The following DTWD2 variants were observed in gnomAD, a reference collection of about 807,000 sequenced individuals.
DTWD2 encodes DTW motif tRNA-uridine aminocarboxypropyltransferase 2.
A neutral mutation model predicts 31.8 loss-of-function variants in DTWD2; 39 were observed. The ratio of observed to expected loss-of-function variants is 1.22; its 90% CI spans 0.95 to 1.60. The LOEUF is 1.60. DTWD2 is among the 40% of genes most tolerant of loss of function. The pLI, the probability that DTWD2 is intolerant of heterozygous loss-of-function variation, is 0.00. For missense variants in DTWD2, 515 were observed against 381.5 expected, an observed-to-expected ratio of 1.35 and a Z score of -2.92; for synonymous variants, 180 against 142.8, an observed-to-expected ratio of 1.26 and a Z score of -1.86.
intron 4 of DTWD2, among the ~76,000 whole-genome samples, chr5:118,876,058 A>G (rs533175642): frequency 1.2e-3 from 190 of 152,352 alleles, no homozygotes; most frequent in African/African-American, 4.4e-3. Context: ...AATTCACTCT[A>G]AACCATACAA....
intron 4 of DTWD2, among the ~76,000 whole-genome samples, chr5:118,870,980 T>C (rs1752489468): frequency 6.7e-6 from 1 of 149,956 alleles, no homozygotes; most frequent in African/African-American, 2.4e-5. Flanking sequence ...GCTTATATAA[T>C]ATTCTAAATC....
At chr5:118,916,340 T>A (rs758318182) in intron 4 of DTWD2, among the ~76,000 whole-genome samples, 1 of 152,162 alleles carries the variant, frequency 6.6e-6, no homozygotes, top group Non-Finnish European at 1.5e-5. Context: ...AGAGATCCCA[T>A]ACTCTGATTT....
At chr5:118,972,770 T>C (rs978515302) in intron 1 of DTWD2, among the ~76,000 whole-genome samples, 1 of 152,158 alleles carries the variant, frequency 6.6e-6, no homozygotes, top group Non-Finnish European at 1.5e-5. Flanking sequence ...AAAAAGCTTA[T>C]CTGTCATGAT....
At chr5:118,980,711 T>G (rs1345843228) in intron 1 of DTWD2, among the ~76,000 whole-genome samples, 2 of 152,210 alleles carry the variant, frequency 1.3e-5, no homozygotes, top group Non-Finnish European at 2.9e-5. Context: ...CTGGTGGGAA[T>G]GTAGGTGGTG....
intron 4 of DTWD2, among the ~76,000 whole-genome samples, chr5:118,882,570 T>G (rs550798240): frequency 1.3e-5 from 2 of 152,380 alleles, no homozygotes; most frequent in African/African-American, 2.4e-5. Context: ...GACTTCTGCC[T>G]GTACATCCAG....
At chr5:118,913,426 TATATATAC>T (rs1209936698) in intron 4 of DTWD2, among the ~76,000 whole-genome samples, 7 of 132,210 alleles carry the variant, frequency 5.3e-5, no homozygotes, top group African/African-American at 5.4e-5. Flanking sequence ...TATAGATATA[TATATATAC>T]ACACACACAC....
At chr5:118,906,122 G>A (rs1753327491) in intron 4 of DTWD2, among the ~76,000 whole-genome samples, 2 of 152,094 alleles carry the variant, frequency 1.3e-5, no homozygotes, top group African/African-American at 4.8e-5. Context: ...AATAGCAAAT[G>A]AAAAGTAAAA....
intron 4 of DTWD2, among the ~76,000 whole-genome samples, chr5:118,877,797 C>A (rs968531715): frequency 1.6e-4 from 25 of 152,130 alleles, no homozygotes; most frequent in African/African-American, 5.6e-4. Context: ...CTAGAAAACC[C>A]CAGAGTCTCA....
At chr5:118,968,455 T>C (rs1215619087) in intron 1 of DTWD2, among the ~76,000 whole-genome samples, 1 of 152,180 alleles carries the variant, frequency 6.6e-6, no homozygotes, top group South Asian at 2.1e-4. Context: ...GTTCTCACAC[T>C]GGGACTCACT....
chr5:118,870,715 G>A (rs1490917756), intron 4 of DTWD2, among the ~76,000 whole-genome samples: 2 of 152,114 alleles, frequency 1.3e-5, no homozygotes, highest in Non-Finnish European at 2.9e-5. Context: ...GGTTGGGTAG[G>A]CTGTGGCAAT....
chr5:118,974,049 C>T (rs764027498), intron 1 of DTWD2: 40 of 1,605,548 alleles, frequency 2.5e-5, no homozygotes, highest in Admixed American at 1.7e-4. Flanking sequence ...GAGACAGCTA[C>T]GGGCAAGCGG....
At chr5:118,858,538 T>C (rs1002051002) in intron 4 of DTWD2, among the ~76,000 whole-genome samples, 1 of 152,192 alleles carries the variant, frequency 6.6e-6, no homozygotes, top group Non-Finnish European at 1.5e-5. Context: ...TTTTCAAACA[T>C]ACCCAAAAGT....
intron 4 of DTWD2, among the ~76,000 whole-genome samples, chr5:118,913,432 T>TATATAGATATATATATAC (rs1554066461): frequency 1.5e-5 from 2 of 137,722 alleles, no homozygotes; most frequent in African/African-American, 5.3e-5. Flanking sequence ...TATATATATA[T>TATATAGATATATATATAC]ACACACACAC....
At chr5:118,979,499 T>C (rs2149603154) in intron 1 of DTWD2, among the ~76,000 whole-genome samples, 1 of 152,262 alleles carries the variant, frequency 6.6e-6, no homozygotes, top group East Asian at 1.9e-4. Context: ...AGTAGTCCCA[T>C]TACTGGGTAT....
intron 4 of DTWD2, among the ~76,000 whole-genome samples, chr5:118,926,848 G>C (rs985457393): frequency 6.6e-6 from 1 of 152,082 alleles, no homozygotes; most frequent in East Asian, 1.9e-4. Context: ...GGAGTTATAG[G>C]TACAAGCCAC....
intron 4 of DTWD2, among the ~76,000 whole-genome samples, chr5:118,881,077 C>A (rs1752729509): frequency 6.6e-6 from 1 of 152,156 alleles, no homozygotes; most frequent in Non-Finnish European, 1.5e-5. Flanking sequence ...TTCTAACATA[C>A]ATCTATTTTG....
At chr5:118,966,447 T>C (rs10463707) in intron 1 of DTWD2, among the ~76,000 whole-genome samples, 14,970 of 152,222 alleles carry the variant, frequency 0.098, 1,569 homozygotes, top group East Asian at 0.52. Flanking sequence ...TTAAGAAGCA[T>C]TGAATATCTG....
In DTWD2 at chr5:118,848,234, A is replaced by G. The variant is rs1043509884; in HGVS notation, c.598-16T>C. ...TTAATTGCACCTGAAATCAAAAACA[A>G]AATAGAACATAATTTTTGTTTTAAA... On this transcript the variant is annotated splice_polypyrimidine_tract_variant and intron_variant, in intron 4 of 5. Coordinates refer to ENST00000510708, the MANE Select transcript of DTWD2 (RefSeq NM_173666.4). 1.3e-6 allele frequency: 2 copies of G among 1,565,380 alleles called. No homozygotes were observed. The highest frequency in any genetic ancestry group is 2.8e-5 in the African/African-American group (2 of 71,838).
At chr5:118,859,647 A>T (rs563093502) in intron 4 of DTWD2, among the ~76,000 whole-genome samples, 7 of 152,218 alleles carry the variant, frequency 4.6e-5, no homozygotes, top group African/African-American at 1.7e-4. Flanking sequence ...TATGTAAATG[A>T]TTTATTAATA....
Sources: allele counts gnomAD v4.1 joint callset (sites outside exome capture counted in the v4.1 genomes callset), GRCh38; gene constraint gnomAD v4.1.1; transcripts MANE v1.5; gene names NCBI Gene and HGNC (gene_info 2026-07-23, HGNC 2026-07-21).